The following IQSEC3 variants were observed in gnomAD, a reference collection of about 807,000 sequenced individuals.
The protein encoded by IQSEC3 is IQ motif and Sec7 domain ArfGEF 3.
Under a neutral mutation model 105.4 loss-of-function variants are expected in IQSEC3, and 50 were observed. That is an observed-to-expected ratio of 0.47 (90% CI 0.38 to 0.60). The LOEUF (loss-of-function observed/expected upper bound fraction) is 0.60, where lower values mean the gene tolerates loss of function less well. Ranked by LOEUF, IQSEC3 falls within the 20% of genes least tolerant of loss-of-function variation. The probability of loss-of-function intolerance (pLI) is 0.00; values close to 1 mark genes in which losing one functional copy is unlikely to be tolerated. For missense variants in IQSEC3, 1,415 were observed against 1,630.0 expected (o/e 0.87, Z 2.27); for synonymous variants, 708 against 746.0 (o/e 0.95, Z 0.83).
chr12:81,814 A>G (rs79664699), intron 1 of IQSEC3, among the ~76,000 whole-genome samples: 3,722 of 152,284 alleles, frequency 0.024, 114 homozygotes, highest in South Asian at 0.18. Flanking sequence ...CACAACACTA[A>G]AAGGTGGGCA....
intron 2 of IQSEC3, among the ~76,000 whole-genome samples, chr12:105,507 C>T (rs1441368797): frequency 6.6e-6 from 1 of 152,184 alleles, no homozygotes; most frequent in African/African-American, 2.4e-5. Context: ...AGAATCCAGC[C>T]GACCTGGGCT....
intron 5 of IQSEC3, chr12:148,624 C>T (rs1866379728): frequency 6.6e-6 from 1 of 152,202 alleles, no homozygotes; most frequent in South Asian, 2.1e-4. Flanking sequence ...TTTGCCAAAA[C>T]GCCTTGACCT....
At chr12:130,995 ACT>A in intron 3 of IQSEC3, among the ~76,000 whole-genome samples, 1 of 47,554 alleles carries the variant, frequency 2.1e-5, no homozygotes, top group Non-Finnish European at 4.3e-5. Context: ...GATCCTCAGC[ACT>A]GTGCCCCCCA....
At chr12:68,389 G>A (rs562286386) in intron 1 of IQSEC3, among the ~76,000 whole-genome samples, 1 of 152,316 alleles carries the variant, frequency 6.6e-6, no homozygotes, top group East Asian at 1.9e-4. Context: ...CGGTTATCTG[G>A]TGATCACTGA....
chr12:87,835 G>A (rs1555072424), intron 1 of IQSEC3, among the ~76,000 whole-genome samples: 2 of 152,318 alleles, frequency 1.3e-5, no homozygotes, highest in South Asian at 4.1e-4. Flanking sequence ...ATTCATAACA[G>A]CTACCATGTA....
At chr12:147,358 C>A (rs558168246) in intron 5 of IQSEC3, among the ~76,000 whole-genome samples, 3 of 152,330 alleles carry the variant, frequency 2.0e-5, no homozygotes, top group African/African-American at 4.8e-5. Flanking sequence ...ACATGCAAAA[C>A]CTCGTTCCAT....
intron 2 of IQSEC3, among the ~76,000 whole-genome samples, chr12:115,900 C>T (rs961557670): frequency 2.6e-5 from 4 of 152,126 alleles, no homozygotes; most frequent in Non-Finnish European, 5.9e-5. Context: ...CAGCACATCT[C>T]GATTTAGAGA....
At chr12:128,946 C>T (rs1429188992) in intron 3 of IQSEC3, among the ~76,000 whole-genome samples, 1 of 152,204 alleles carries the variant, frequency 6.6e-6, no homozygotes, top group Non-Finnish European at 1.5e-5. Context: ...GGGTTCCAGC[C>T]GTTCCTATTT....
chr12:122,134 C>T (rs1425152614), intron 2 of IQSEC3, among the ~76,000 whole-genome samples: 2 of 152,144 alleles, frequency 1.3e-5, no homozygotes, highest in African/African-American at 2.4e-5. Context: ...CATTGTATAC[C>T]TGAGAGGGCC....
At chr12:101,544 G>A (rs1200120487) in intron 2 of IQSEC3, among the ~76,000 whole-genome samples, 1 of 152,122 alleles carries the variant, frequency 6.6e-6, no homozygotes, top group African/African-American at 2.4e-5. Context: ...TCATGGAGGC[G>A]CCTATACACC....
chr12:141,121 CAG>C lies in IQSEC3; in HGVS notation c.1992-1_1992del. The C allele has an allele frequency of 1.3e-6, 2 of 1,592,942 alleles. No homozygotes were observed. Among genetic ancestry groups the C allele is most frequent in the Admixed American group, 1.7e-5 (1 of 59,036 alleles). ...TACTGCTTCTCCCCACCCCCACCTC[CAG>C]AAACCCCGACAAGGGCATCCAGTTC... On this transcript the variant is annotated splice_acceptor_variant, in intron 4 of 13. Coordinates refer to ENST00000538872, the MANE Select transcript of IQSEC3 (RefSeq NM_001170738.2). LOFTEE classifies it high-confidence loss of function.
At position 163,545 on chromosome 12, in the gene IQSEC3, G is replaced by T; in HGVS notation, c.2635G>T (p.Val879Leu). ...RLVCCSRLFEVTDVNKLQKQA... is the reference protein window; with the variant it reads ...RLVCCSRLFELTDVNKLQKQA... ...GGTGTGCTGCAGCCGGCTCTTCGAG[G>T]TGACGGATGTGAACAAGCTGCAGAA... The change falls in exon 9 of 14, where the codon GTG becomes TTG. Residue 879 changes from valine (V) to leucine (L), a missense_variant. By Grantham distance (32) the Val-to-Leu change is conservative. Transcript: ENST00000538872. The T allele has an allele frequency of 1.2e-6, 2 of 1,612,044 alleles. No individual in the cohort carries two copies. Among genetic ancestry groups the T allele is most frequent in the Non-Finnish European group, 1.7e-6 (2 of 1,179,450 alleles).
chr12:67,352 C>A lies in IQSEC3; in HGVS notation c.470C>A (p.Pro157Gln), dbSNP rs782565500. ...ACTGACAAGGAGAAGGAGCGTCCCC[C>A]GAGTTGCTGCGCTGCTGCCGGAGCC... ...AVTDKEKERP[P>Q]SCCAAAGALL... is the part of the protein sequence containing the mutation. The change falls in exon 1 of 14, where the codon CCG becomes CAG. Residue 157 changes from proline to glutamine, a missense_variant. Pro to Gln is a moderately conservative substitution (Grantham distance 76). Transcript: ENST00000538872. The A allele has an allele frequency of 1.9e-6, 3 of 1,597,684 alleles. No homozygotes were observed. Among genetic ancestry groups the A allele is most frequent in the African/African-American group, 2.7e-5 (2 of 74,934 alleles).
intron 8 of IQSEC3, among the ~76,000 whole-genome samples, chr12:162,488 G>A (rs1217440095): frequency 6.6e-6 from 1 of 152,188 alleles, no homozygotes; most frequent in Non-Finnish European, 1.5e-5. Context: ...AGTGACCTGT[G>A]TCCCAGGCAG....
At position 66,792 on chromosome 12, in the gene IQSEC3, C is replaced by G; in HGVS notation, c.-91C>G. Reference sequence around the variant, plus strand: ...AGGCTGGGCCGGTGGGAGAGGGAGGCGAGCCGACCGCTGGGCTGCTGGGCT... The same window carrying G: ...AGGCTGGGCCGGTGGGAGAGGGAGGGGAGCCGACCGCTGGGCTGCTGGGCT... On this transcript the variant is annotated 5_prime_UTR_variant, in exon 1 of 14. Transcript: ENST00000538872. The G allele has an allele frequency of 6.7e-6, 8 of 1,197,124 alleles. No homozygotes were observed. The highest frequency in any genetic ancestry group is 1.6e-5 in the African/African-American group (1 of 62,504). 74.2% of individuals were successfully genotyped at this position (1,197,124 alleles called of 1,614,324 possible). A position where few individuals can be genotyped will look rare whatever the true frequency, so the allele number is the denominator to read the frequency against.
At chr12:99,824 C>A (rs530107049) in intron 2 of IQSEC3, among the ~76,000 whole-genome samples, 37 of 152,166 alleles carry the variant, frequency 2.4e-4, no homozygotes, top group Non-Finnish European at 4.0e-4. Context: ...GTCCCGCTTC[C>A]TGGAGTTCCG....
intron 1 of IQSEC3, among the ~76,000 whole-genome samples, chr12:69,078 T>C (rs1445724977): frequency 6.6e-6 from 1 of 152,162 alleles, no homozygotes; most frequent in Non-Finnish European, 1.5e-5. Flanking sequence ...AGATACTAAG[T>C]GGTCTTTTCC....
At chr12:128,210 G>A (rs1294746842) in intron 3 of IQSEC3, among the ~76,000 whole-genome samples, 1 of 151,340 alleles carries the variant, frequency 6.6e-6, no homozygotes, top group Non-Finnish European at 1.5e-5. Flanking sequence ...CAGGGCCCGG[G>A]TGTCCCCGTC....
intron 5 of IQSEC3, chr12:148,934 CT>C (rs1555091826): frequency 6.6e-6 from 1 of 151,574 alleles, no homozygotes; most frequent in African/African-American, 2.4e-5. Context: ...CAGACACTGT[CT>C]TGCTATCATT....
Sources: allele counts gnomAD v4.1 joint callset (sites outside exome capture counted in the v4.1 genomes callset), GRCh38; gene constraint gnomAD v4.1.1; transcripts MANE v1.5; gene names NCBI Gene and HGNC (gene_info 2026-07-23, HGNC 2026-07-21).